The following CAST variants were observed in gnomAD, a reference collection of about 807,000 sequenced individuals.
CAST encodes MIR583 host.
In CAST, 76 loss-of-function variants were observed where a neutral mutation model predicts 119.6. The observed-to-expected ratio is 0.64, with a 90% CI of 0.53 to 0.77. The LOEUF (loss-of-function observed/expected upper bound fraction) is 0.77, where lower values mean the gene tolerates loss of function less well. Ranked by LOEUF, CAST falls within the 30% of genes least tolerant of loss-of-function variation. The pLI, the probability that CAST is intolerant of heterozygous loss-of-function variation, is 0.00. For synonymous variants in CAST, 319 were observed against 331.6 expected (o/e 0.96, Z 0.41); for missense variants, 953 against 946.5 (o/e 1.01, Z -0.09).
intron 1 of CAST, among the ~76,000 whole-genome samples, chr5:96,558,392 C>G (rs1011294944): frequency 1.3e-5 from 2 of 151,714 alleles, no homozygotes; most frequent in Non-Finnish European, 2.9e-5. Context: ...ACAAAAAAAC[C>G]CTTCAAAAAA....
rs768549800 is a variant in CAST, at chr5:96,722,663, A to G, written c.235A>G (p.Ser79Gly). Reference protein sequence around the residue: ...TKVSASSGATSKSSSMNPTET... With the variant: ...TKVSASSGATGKSSSMNPTET... ...GGTGTCAGCTTCCTCTGGTGCAACC[A>G]GCAAGTCTTCCAGTATGAATCCCAC... Residue 79 changes from serine (S) to glycine (G), a missense_variant, in exon 4 of 32, where the codon AGC becomes GGC. By Grantham distance (56) the Ser-to-Gly change is moderately conservative (BLOSUM62 0). Transcript: ENST00000675179. The G allele has an allele frequency of 1.2e-6, 2 of 1,613,564 alleles. No homozygotes were observed. Among genetic ancestry groups the G allele is most frequent in the East Asian group, 2.2e-5 (1 of 44,864 alleles).
the CAST span, among the ~76,000 whole-genome samples, chr5:96,248,599 ATAAT>A: frequency 1.2e-4 from 19 of 152,366 alleles, no homozygotes; most frequent in Admixed American, 1.1e-3. Context: ...AAGATGCTCG[ATAAT>A]TAATGTTTAA....
chr5:96,296,133 G>A, the CAST span, among the ~76,000 whole-genome samples: 2 of 152,132 alleles, frequency 1.3e-5, no homozygotes, highest in African/African-American at 2.4e-5. Context: ...ATTATTTCAA[G>A]TATAAAACTA....
At chr5:96,303,869 T>C in the CAST span, among the ~76,000 whole-genome samples, 1 of 152,172 alleles carries the variant, frequency 6.6e-6, no homozygotes, top group African/African-American at 2.4e-5. Flanking sequence ...TTTGGGTTGG[T>C]TCCAAGTCTT....
At chr5:96,351,060 C>A in the CAST span, among the ~76,000 whole-genome samples, 2 of 152,078 alleles carry the variant, frequency 1.3e-5, no homozygotes, top group Non-Finnish European at 2.9e-5. Context: ...ACCAAACATA[C>A]AGAGTGAGGT....
At chr5:96,674,631 T>C (rs1324736750) in intron 1 of CAST, among the ~76,000 whole-genome samples, 4 of 152,158 alleles carry the variant, frequency 2.6e-5, no homozygotes, top group Admixed American at 2.6e-4. Context: ...CCAAAACAAA[T>C]GAATATGTAA....
chr5:96,741,727 T>A (rs1307174892), intron 15 of CAST, 147 bp downstream of exon 15: 1 of 605,516 alleles, frequency 1.7e-6, no homozygotes, highest in African/African-American at 1.9e-5. Context: ...CAATGAGGGT[T>A]ATGTTGATCA....
At chr5:96,095,710 T>G in the CAST span, among the ~76,000 whole-genome samples, 4 of 152,092 alleles carry the variant, frequency 2.6e-5, no homozygotes, top group African/African-American at 9.7e-5. Context: ...CATCTGAATA[T>G]GATAGAATCA....
intron 1 of CAST, among the ~76,000 whole-genome samples, chr5:96,559,009 A>G (rs901472998): frequency 1.3e-4 from 20 of 152,270 alleles, no homozygotes; most frequent in African/African-American, 3.6e-4. Flanking sequence ...CTTATCCACC[A>G]TAATCAAGTG....
At chr5:96,616,945 C>A (rs1747469997) in intron 1 of CAST, among the ~76,000 whole-genome samples, 1 of 152,082 alleles carries the variant, frequency 6.6e-6, no homozygotes, top group Non-Finnish European at 1.5e-5. Flanking sequence ...CAGGGCAGGG[C>A]ATGGTGCCCT....
chr5:96,427,951 C>A, the CAST span, among the ~76,000 whole-genome samples: 2 of 152,206 alleles, frequency 1.3e-5, no homozygotes, highest in Middle Eastern at 6.8e-3. Flanking sequence ...AGGTCCAGGG[C>A]CTCTGATTTG....
chr5:96,077,787 C>T, the CAST span, among the ~76,000 whole-genome samples: 18 of 152,288 alleles, frequency 1.2e-4, no homozygotes, highest in African/African-American at 4.3e-4. Context: ...GATGCTGGTG[C>T]CATGCTTCCT....
At chr5:96,199,502 A>G in the CAST span, among the ~76,000 whole-genome samples, 76 of 152,312 alleles carry the variant, frequency 5.0e-4, no homozygotes, top group Admixed American at 8.5e-4. Flanking sequence ...CCAAATCTTT[A>G]CAGAGGACTC....
At chr5:96,587,253 C>T (rs1746876888) in intron 1 of CAST, among the ~76,000 whole-genome samples, 1 of 152,192 alleles carries the variant, frequency 6.6e-6, no homozygotes, top group Non-Finnish European at 1.5e-5. Context: ...GCCGCTCAGA[C>T]CTTTGTCCCT....
chr5:96,765,689 G>C (rs2150726206), intron 26 of CAST, among the ~76,000 whole-genome samples: 1 of 152,210 alleles, frequency 6.6e-6, no homozygotes, highest in Non-Finnish European at 1.5e-5. Context: ...AGGTACAGTG[G>C]CCTGATTTTG....
chr5:96,259,664 A>G, the CAST span, among the ~76,000 whole-genome samples: 1 of 152,038 alleles, frequency 6.6e-6, no homozygotes, highest in African/African-American at 2.4e-5. Flanking sequence ...CACTTAGCTG[A>G]GGGGTGAATT....
intron 1 of CAST, among the ~76,000 whole-genome samples, chr5:96,639,718 T>C (rs1010344420): frequency 1.3e-5 from 2 of 152,198 alleles, no homozygotes; most frequent in Admixed American, 6.5e-5. Context: ...GTAATGAGTA[T>C]CCTTTTGATC....
chr5:96,767,502 ATT>A lies in CAST; in HGVS notation c.2175+22_2175+23del, dbSNP rs1174330437. On this transcript the variant is annotated intron_variant, in intron 28 of 31. Transcript: ENST00000675179. ...TCAAAGGTAAAGACCATAGGAACAT[ATT>A]TCCATTAAATTTTGTTTTATTCTAG... The A allele has an allele frequency of 1.2e-6, 2 of 1,604,616 alleles. No homozygotes were observed. The highest frequency in any genetic ancestry group is 2.7e-5 in the African/African-American group (2 of 74,658).
chr5:96,733,680 C>A (rs1761047935), intron 9 of CAST, among the ~76,000 whole-genome samples: 1 of 152,126 alleles, frequency 6.6e-6, no homozygotes, highest in South Asian at 2.1e-4. Flanking sequence ...GAGCTCAAGA[C>A]CAGCCTGACC....
Sources: allele counts gnomAD v4.1 joint callset (sites outside exome capture counted in the v4.1 genomes callset), GRCh38; gene constraint gnomAD v4.1.1; transcripts MANE v1.5; gene names NCBI Gene and HGNC (gene_info 2026-07-23, HGNC 2026-07-21).